The following STPG4 variants were observed in gnomAD, a reference collection of about 807,000 sequenced individuals.
STPG4 encodes protein STPG4.
A neutral mutation model predicts 31.5 loss-of-function variants in STPG4; 41 were observed. That is an observed-to-expected ratio of 1.30 (90% CI 1.01 to 1.69). The LOEUF (loss-of-function observed/expected upper bound fraction) is 1.69, where lower values mean the gene tolerates loss of function less well. Ranked by LOEUF, STPG4 falls within the 40% of genes most tolerant of loss-of-function variation. The pLI, the probability that STPG4 is intolerant of heterozygous loss-of-function variation, is 0.00. For missense variants in STPG4, 375 were observed against 293.4 expected (o/e 1.28, Z -2.03); for synonymous variants, 141 against 103.0 (o/e 1.37, Z -2.24).
At chr2:47,097,073 C>A (rs1045455967) in intron 5 of STPG4, among the ~76,000 whole-genome samples, 1 of 152,050 alleles carries the variant, frequency 6.6e-6, no homozygotes, top group African/African-American at 2.4e-5. Context: ...ATATGAGGGG[C>A]AAAGGCACGG....
At chr2:47,116,800 C>A (rs922607321) in intron 5 of STPG4, among the ~76,000 whole-genome samples, 1 of 152,172 alleles carries the variant, frequency 6.6e-6, no homozygotes. Context: ...TGTGAAAAGG[C>A]AAAATCCTCC....
intron 5 of STPG4, among the ~76,000 whole-genome samples, chr2:47,092,673 G>A (rs1292729980): frequency 6.6e-6 from 1 of 151,308 alleles, no homozygotes; most frequent in Non-Finnish European, 1.5e-5. Flanking sequence ...AGAGGAGAGA[G>A]AGCCAGCAGT....
intron 5 of STPG4, among the ~76,000 whole-genome samples, chr2:47,095,779 C>T (rs1255441295): frequency 1.3e-5 from 2 of 152,286 alleles, no homozygotes; most frequent in African/African-American, 2.4e-5. Context: ...CTTTCCCAGC[C>T]TCCCTGGCAG....
chr2:47,120,443 T>C (rs1055778036), intron 5 of STPG4, among the ~76,000 whole-genome samples: 2 of 152,088 alleles, frequency 1.3e-5, no homozygotes, highest in Non-Finnish European at 2.9e-5. Context: ...AGGATAAGAA[T>C]GTGGTCCCAG....
In STPG4 at chr2:47,151,312, G is replaced by GTA; in HGVS notation, c.343_344dup (p.Ser116ThrfsTer14). ...TTGGCCGTGGTTTGTCTTTGAATGA[G>GTA]TAAGTAGCCACTTGCTTCTTTAACA... On this transcript the variant is annotated frameshift_variant, in exon 3 of 7. Transcript: ENST00000445927. LOFTEE classifies it high-confidence loss of function. 6.2e-7 allele frequency: 1 copy of GTA among 1,614,210 alleles called. No homozygotes were observed. Among genetic ancestry groups the GTA allele is most frequent in the Non-Finnish European group, 8.5e-7 (1 of 1,180,042 alleles).
At chr2:47,097,900 T>C (rs1685706336) in intron 5 of STPG4, among the ~76,000 whole-genome samples, 1 of 148,868 alleles carries the variant, frequency 6.7e-6, no homozygotes, top group Non-Finnish European at 1.5e-5. Context: ...GGTAGATCTC[T>C]TGAGGCCAGG....
chr2:47,124,899 G>C (rs751250887), intron 5 of STPG4, among the ~76,000 whole-genome samples: 2 of 152,176 alleles, frequency 1.3e-5, no homozygotes, highest in Non-Finnish European at 1.5e-5. Context: ...AGTGTACAAG[G>C]GTTCCCTTTT....
At chr2:47,092,830 T>C (rs1174666974) in intron 5 of STPG4, among the ~76,000 whole-genome samples, 1 of 151,520 alleles carries the variant, frequency 6.6e-6, no homozygotes, top group Non-Finnish European at 1.5e-5. Context: ...TCTCACTCTG[T>C]CACCCAGGCT....
chr2:47,154,663 G>A (rs1305126487), intron 1 of STPG4, among the ~76,000 whole-genome samples: 4 of 151,908 alleles, frequency 2.6e-5, no homozygotes, highest in Admixed American at 6.6e-5. Context: ...CCCGGGAGGC[G>A]GAGGTTGCAG....
At chr2:47,132,716 G>A (rs892616706) in intron 3 of STPG4, among the ~76,000 whole-genome samples, 4 of 152,248 alleles carry the variant, frequency 2.6e-5, no homozygotes, top group South Asian at 2.1e-4. Context: ...TGACAATTAC[G>A]TGGATGTTTG....
intron 5 of STPG4, among the ~76,000 whole-genome samples, chr2:47,120,280 G>A (rs919647711): frequency 6.6e-6 from 1 of 152,172 alleles, no homozygotes; most frequent in Non-Finnish European, 1.5e-5. Flanking sequence ...GCAGTGAGCC[G>A]AGATTGTGCC....
At chr2:47,102,841 G>C (rs1413628756) in intron 5 of STPG4, among the ~76,000 whole-genome samples, 2 of 151,838 alleles carry the variant, frequency 1.3e-5, no homozygotes, top group African/African-American at 2.4e-5. Flanking sequence ...GATCAAGGCA[G>C]ACCTGGGGAG....
intron 5 of STPG4, among the ~76,000 whole-genome samples, chr2:47,105,198 C>A (rs1189049313): frequency 1.1e-4 from 17 of 151,932 alleles, no homozygotes; most frequent in Admixed American, 1.1e-3. Flanking sequence ...CTCTTGGAGT[C>A]CTTACTCAGA....
chr2:47,121,880 GTGTGTGTGTA>G (rs780550711), intron 5 of STPG4, among the ~76,000 whole-genome samples: 2 of 101,994 alleles, frequency 2.0e-5, no homozygotes, highest in South Asian at 7.4e-4. Context: ...GTGTGTGTGT[GTGTGTGTGTA>G]ATCTCATTCT....
chr2:47,141,090 T>C (rs1179531237), intron 3 of STPG4, among the ~76,000 whole-genome samples: 1 of 152,048 alleles, frequency 6.6e-6, no homozygotes, highest in Non-Finnish European at 1.5e-5. Flanking sequence ...TTTCACCATA[T>C]TGGCTAGGCT....
intron 3 of STPG4, among the ~76,000 whole-genome samples, chr2:47,140,250 G>T (rs977413318): frequency 6.6e-6 from 1 of 152,154 alleles, no homozygotes; most frequent in African/African-American, 2.4e-5. Context: ...AGGTCAGTTA[G>T]GTCCTGATTG....
chr2:47,129,364 C>T (rs28832345), intron 5 of STPG4: 105,829 of 152,960 alleles, frequency 0.69, 38,294 homozygotes, highest in East Asian at 0.92. Context: ...TGCCCAGGAA[C>T]TGCAGTCCTT....
At chr2:47,111,229 G>T (rs1338208845) in intron 5 of STPG4, among the ~76,000 whole-genome samples, 1 of 152,098 alleles carries the variant, frequency 6.6e-6, no homozygotes, top group Non-Finnish European at 1.5e-5. Context: ...TGGTGGGGAG[G>T]GGTGGTCTTT....
At chr2:47,107,586 G>GC (rs989815551) in intron 5 of STPG4, among the ~76,000 whole-genome samples, 17 of 152,126 alleles carry the variant, frequency 1.1e-4, no homozygotes, top group Non-Finnish European at 2.4e-4. Flanking sequence ...CTCCTGTGCA[G>GC]CCCCAGCCTC....
Sources: allele counts gnomAD v4.1 joint callset (sites outside exome capture counted in the v4.1 genomes callset), GRCh38; gene constraint gnomAD v4.1.1; transcripts MANE v1.5; gene names NCBI Gene and HGNC (gene_info 2026-07-23, HGNC 2026-07-21).